The following CEP44 variants were observed in gnomAD, a reference collection of about 807,000 sequenced individuals.
CEP44 encodes the protein centrosomal protein of 44 kDa.
Under a neutral mutation model 46.7 loss-of-function variants are expected in CEP44, and 45 were observed. The observed-to-expected ratio is 0.96, with a 90% CI of 0.76 to 1.24. CEP44 has a LOEUF of 1.24. CEP44 is among the 50% of genes most tolerant of loss of function. The probability of loss-of-function intolerance (pLI) is 0.00; values close to 1 mark genes in which losing one functional copy is unlikely to be tolerated. For synonymous variants in CEP44, 142 were observed against 146.0 expected, an observed-to-expected ratio of 0.97 and a Z score of 0.20; for missense variants, 475 against 459.7, an observed-to-expected ratio of 1.03 and a Z score of -0.30.
chr4:174,298,549 T>C (rs1259995642), intron 2 of CEP44, among the ~76,000 whole-genome samples: 1 of 152,218 alleles, frequency 6.6e-6, no homozygotes, highest in African/African-American at 2.4e-5. Flanking sequence ...ATTTAATCTG[T>C]CATATTTATC....
At chr4:174,296,812 A>C (rs1385094983) in intron 1 of CEP44, among the ~76,000 whole-genome samples, 1 of 117,254 alleles carries the variant, frequency 8.5e-6, no homozygotes, top group African/African-American at 3.4e-5. Flanking sequence ...CTCATAGAGG[A>C]GTGTTGAAGT....
chr4:174,323,634 A>G (rs910065214), downstream of CEP44, among the ~76,000 whole-genome samples: 2 of 152,168 alleles, frequency 1.3e-5, no homozygotes, highest in Middle Eastern at 3.2e-3. Flanking sequence ...AGTCCAATGC[A>G]TGGAAAAAGT....
rs746896626 is a variant in CEP44 at position 174,310,862 on chromosome 4, A to C, written c.961+4A>C. ...GACATGGACCTTCTGAATCCTCGTAAGTTTGTAAATACTATGAGAATTGGT... is the reference window on the plus strand; with the variant it reads ...GACATGGACCTTCTGAATCCTCGTACGTTTGTAAATACTATGAGAATTGGT... On this transcript the variant is annotated splice_donor_region_variant and intron_variant, in intron 9 of 11. Transcript: ENST00000503780. The surrounding 1 kb of genome is among the most constrained non-coding windows in gnomAD (Gnocchi z 4.2). 4 of 1,359,416 alleles carry C rather than the reference A, an allele frequency of 2.9e-6. No individual in the cohort carries two copies. Among genetic ancestry groups the C allele is most frequent in the Non-Finnish European group, 4.1e-6 (4 of 968,098 alleles). The allele number at this position is 1,359,416 out of a possible 1,614,324, so 84.2% of individuals were successfully genotyped here.
At chr4:174,293,889 C>T (rs1246055324) in intron 1 of CEP44, among the ~76,000 whole-genome samples, 3 of 152,042 alleles carry the variant, frequency 2.0e-5, no homozygotes, top group African/African-American at 7.2e-5. Context: ...GGGAAGTATA[C>T]AGTTTCTCAG....
chr4:174,289,146 G>T (rs554149302), intron 1 of CEP44, among the ~76,000 whole-genome samples: 1 of 152,220 alleles, frequency 6.6e-6, no homozygotes, highest in East Asian at 1.9e-4. Flanking sequence ...TTAATGTGCT[G>T]TTGTGTTTGG....
rs150834498 is a variant in CEP44, at chr4:174,309,483, G to T, written c.679-367G>T. ...ACCGAACAATCTCAATGCACTAAGT[G>T]TTGTTTTTGGTCATTTCCTCTTAGC... On this transcript the variant is annotated intron_variant, in intron 7 of 11. Transcript: ENST00000503780. The surrounding 1 kb of genome is among the most constrained non-coding windows in gnomAD (Gnocchi z 5.3). Among the ~76,000 whole-genome samples, 1 of 152,052 alleles carries T rather than the reference G, an allele frequency of 6.6e-6. No homozygotes were observed. The highest frequency in any genetic ancestry group is 1.9e-4 in the East Asian group (1 of 5,164).
chr4:174,285,566 A>G (rs1159669502), intron 1 of CEP44: 3 of 152,220 alleles, frequency 2.0e-5, no homozygotes, highest in Non-Finnish European at 4.4e-5. Context: ...AATGTCAGAA[A>G]AAGGAAAGGT....
At position 174,325,963 on chromosome 4, in the gene CEP44, C is replaced by T. The variant is rs1353147258; in HGVS notation, c.1087-5519C>T. Among the ~76,000 whole-genome samples, 1 of 151,992 alleles carries T rather than the reference C, an allele frequency of 6.6e-6. No individual in the cohort carries two copies. The highest frequency in any genetic ancestry group is 2.4e-5 in the African/African-American group (1 of 41,394). ...TACTTTTAATGTATCTGAGTCTGTG[C>T]ATTTAAAGTGGGTTTCCTGAAGATA... On this transcript the variant is annotated intron_variant, in intron 8 of 8. Transcript: ENST00000426172. This position sits in a 1 kb window ranked among gnomAD's most constrained non-coding sequence, Gnocchi z 4.4.
rs1731292790 is a variant in CEP44, at chr4:174,331,024, G to T, written c.1087-458G>T. 6.6e-6 allele frequency among the ~76,000 whole-genome samples: 1 copy of T among 152,128 alleles called. No homozygotes were observed. The highest frequency in any genetic ancestry group is 2.1e-4 in the South Asian group (1 of 4,834). On this transcript the variant is annotated intron_variant, in intron 8 of 8. Coordinates refer to the CEP44 transcript ENST00000426172. This position sits in a 1 kb window ranked among gnomAD's most constrained non-coding sequence, Gnocchi z 4.5. ...ATTTTAGGATGTGCTTTCAGGATAT[G>T]CAGTGGTTAAGGCACTTGATATCTA...
Position 174,306,452 on chromosome 4 carries a change from C to A in CEP44, c.507+2083C>A, listed in dbSNP as rs563517887. On this transcript the variant is annotated intron_variant, in intron 6 of 11. Transcript: ENST00000503780. ...TCATCCAGTTTCAGCAATTTATCAA[C>A]TCTTTGCTAATCTTGTTTTGTCTTT... Among the ~76,000 whole-genome samples, 5 of 152,182 alleles carry A rather than the reference C, an allele frequency of 3.3e-5. No homozygotes were observed. The East Asian group carries it at 9.6e-4, about 29-fold the overall frequency.
chr4:174,331,776 G>A lies in CEP44; in HGVS notation c.*181G>A, dbSNP rs1448181671. On this transcript the variant is annotated 3_prime_UTR_variant, in exon 9 of 9. Transcript: ENST00000426172. This position sits in a 1 kb window ranked among gnomAD's most constrained non-coding sequence, Gnocchi z 4.5. Reference sequence around the variant, plus strand: ...CCTGCTACATGGGTAACACTTAGTTGTTTGTCTAATTTCTATTTTCCAGAA... The same window carrying A: ...CCTGCTACATGGGTAACACTTAGTTATTTGTCTAATTTCTATTTTCCAGAA... 1 of 695,322 alleles carries A rather than the reference G, an allele frequency of 1.4e-6. No individual in the cohort carries two copies. Among genetic ancestry groups the A allele is most frequent in the African/African-American group, 1.8e-5 (1 of 55,250 alleles). The allele number at this position is 695,322 out of a possible 1,614,324, so 43.1% of individuals were successfully genotyped here.
chr4:174,307,264 A>C (rs1740524072), intron 6 of CEP44, among the ~76,000 whole-genome samples: 1 of 152,188 alleles, frequency 6.6e-6, no homozygotes, highest in South Asian at 2.1e-4. Flanking sequence ...CAGAACAGAC[A>C]CATAGACCAA....
At chr4:174,330,929 A>G (rs1731288120) in intron 8 of CEP44, among the ~76,000 whole-genome samples, 1 of 152,192 alleles carries the variant, frequency 6.6e-6, no homozygotes, top group Admixed American at 6.5e-5. Context: ...GCTGGTTTAT[A>G]AAGTTCGTTA....
chr4:174,290,216 C>G lies in CEP44; in HGVS notation c.-148+6273C>G, dbSNP rs1258673926. On this transcript the variant is annotated intron_variant, in intron 1 of 11. Transcript: ENST00000503780. The surrounding 1 kb of genome is among the most constrained non-coding windows in gnomAD (Gnocchi z 4.3). ...TTCTCTTATTCTGCTTTTACTGCAT[C>G]CTATATGTTTGGGTATACTGTGTTT... is the stretch of plus-strand genomic sequence containing the variant. Among the ~76,000 whole-genome samples, 1 of 151,900 alleles carries G rather than the reference C, an allele frequency of 6.6e-6. No individual in the cohort carries two copies. Among genetic ancestry groups the G allele is most frequent in the African/African-American group, 2.4e-5 (1 of 41,348 alleles).
At chr4:174,298,421 C>T (rs1014534478) in intron 2 of CEP44, among the ~76,000 whole-genome samples, 3 of 151,904 alleles carry the variant, frequency 2.0e-5, no homozygotes, top group Non-Finnish European at 4.4e-5. Context: ...CTGATCCGCC[C>T]GCCTCGGCCT....
intron 8 of CEP44, among the ~76,000 whole-genome samples, chr4:174,330,826 TC>T (rs1442156235): frequency 7.3e-6 from 1 of 136,444 alleles, no homozygotes; most frequent in Non-Finnish European, 1.6e-5. Context: ...AATCTAATAG[TC>T]AGGGGTTCTC....
intron 4 of CEP44, among the ~76,000 whole-genome samples, chr4:174,303,447 A>G (rs1158706768): frequency 1.3e-5 from 2 of 152,200 alleles, no homozygotes; most frequent in African/African-American, 4.8e-5. Flanking sequence ...ATGATTGACT[A>G]TATTTTTCCA....
chr4:174,319,732 TA>T lies in CEP44; in HGVS notation c.*2354del. On this transcript the variant is annotated 3_prime_UTR_variant, in exon 12 of 12. Coordinates refer to ENST00000503780, the MANE Select transcript of CEP44 (RefSeq NM_001040157.3). ...TGTCTAACAACTCTCTAATAGGGAC[TA>T]AAAATCAACTCAATATATCATACAT... 1 of 900,944 alleles carries T rather than the reference TA, an allele frequency of 1.1e-6. No homozygotes were observed. Among genetic ancestry groups the T allele is most frequent in the Non-Finnish European group, 1.3e-6 (1 of 752,158 alleles). 55.8% of individuals were successfully genotyped at this position (900,944 alleles called of 1,614,324 possible).
At position 174,317,405 on chromosome 4, in the gene CEP44, T is replaced by C. The variant is rs778286047; in HGVS notation, c.*22T>C. 7.1e-7 allele frequency: 1 copy of C among 1,407,938 alleles called. No individual in the cohort carries two copies. The highest frequency in any genetic ancestry group is 9.4e-7 in the Non-Finnish European group (1 of 1,061,958). 87.2% of individuals were successfully genotyped at this position (1,407,938 alleles called of 1,614,324 possible). On this transcript the variant is annotated 3_prime_UTR_variant, in exon 12 of 12. Coordinates refer to ENST00000503780, the MANE Select transcript of CEP44 (RefSeq NM_001040157.3). ...GTAGGATTTTCTACATGAACTTTTTTCTAGGACTTTGGTTACTATACATAT... is the reference window on the plus strand; with the variant it reads ...GTAGGATTTTCTACATGAACTTTTTCCTAGGACTTTGGTTACTATACATAT...
Sources: gnomAD v4.1 joint callset for allele counts (sites outside exome capture counted in the v4.1 genomes callset) on GRCh38, gnomAD v4.1.1 for gene constraint, Gnocchi (gnomAD v3.1) non-coding constraint, MANE v1.5 for transcripts, NCBI Gene and HGNC (gene_info 2026-07-23, HGNC 2026-07-21) for gene names.